The following SERINC5 variants were observed in gnomAD, a reference collection of about 807,000 sequenced individuals.
SERINC5 encodes serine incorporator 5, also known as chromosome 5 open reading frame 12.
In SERINC5, 41 loss-of-function variants were observed where a neutral mutation model predicts 63.1. The ratio of observed to expected loss-of-function variants is 0.65; its 90% CI spans 0.51 to 0.84. The LOEUF (loss-of-function observed/expected upper bound fraction) is 0.84. Among genes scored for constraint, SERINC5 ranks in the 40% least tolerant of loss-of-function variants. The probability of loss-of-function intolerance (pLI) is 0.00; values close to 1 mark genes in which losing one functional copy is unlikely to be tolerated. For synonymous variants in SERINC5, 222 were observed against 215.2 expected (o/e 1.03, Z -0.28); for missense variants, 523 against 573.0 (o/e 0.91, Z 0.89).
chr5:80,194,687 C>T (rs35487359), intron 2 of SERINC5, among the ~76,000 whole-genome samples: 14,285 of 152,180 alleles, frequency 0.094, 867 homozygotes, highest in Non-Finnish European at 0.14. Context: ...GGGCCCCAGG[C>T]AGCGCTATTT....
At chr5:80,165,981 C>T (rs1167064390) in intron 7 of SERINC5, among the ~76,000 whole-genome samples, 3 of 152,124 alleles carry the variant, frequency 2.0e-5, no homozygotes, top group African/African-American at 7.2e-5. Context: ...TTTGTGGATA[C>T]ATAGTAGGCG....
intron 9 of SERINC5, 121 bp from the exon 10 acceptor site, chr5:80,147,405 T>C: frequency 2.0e-6 from 2 of 1,003,898 alleles, no homozygotes; most frequent in Non-Finnish European, 1.5e-6. Context: ...GGACTGTTCT[T>C]TCCCAGGTGT....
intron 11 of SERINC5, chr5:80,129,016 C>T (rs928983879): frequency 6.6e-6 from 1 of 152,128 alleles, no homozygotes; most frequent in African/African-American, 2.4e-5. Context: ...GCAGCCATTT[C>T]GAAGAAATTT....
At chr5:80,240,421 T>A (rs1173646848) in intron 1 of SERINC5, among the ~76,000 whole-genome samples, 1 of 152,234 alleles carries the variant, frequency 6.6e-6, no homozygotes, top group Non-Finnish European at 1.5e-5. Flanking sequence ...ACTATATCAT[T>A]TTTATTCAGT....
intron 1 of SERINC5, among the ~76,000 whole-genome samples, chr5:80,224,935 GTTTTT>G (rs764594236): frequency 3.7e-5 from 3 of 81,668 alleles, no homozygotes; most frequent in Admixed American, 1.4e-4. Flanking sequence ...TTTTTTTTTT[GTTTTT>G]TTTTGTTTTT....
intron 11 of SERINC5, among the ~76,000 whole-genome samples, chr5:80,127,840 T>G (rs960905958): frequency 6.6e-6 from 1 of 152,132 alleles, no homozygotes; most frequent in Non-Finnish European, 1.5e-5. Flanking sequence ...TACAATCTAA[T>G]TTTAATTGAT....
intron 1 of SERINC5, among the ~76,000 whole-genome samples, chr5:80,213,807 T>C (rs1750542233): frequency 2.0e-5 from 3 of 152,186 alleles, no homozygotes; most frequent in South Asian, 2.1e-4. Flanking sequence ...TTAAAAGCCC[T>C]ATTTCCTAAT....
intron 1 of SERINC5, among the ~76,000 whole-genome samples, chr5:80,211,097 C>T (rs1023608844): frequency 3.3e-5 from 5 of 152,178 alleles, no homozygotes; most frequent in African/African-American, 1.2e-4. Flanking sequence ...GAAAAACAAA[C>T]TGCAACAGGC....
At chr5:80,182,268 A>C (rs1257509512) in intron 2 of SERINC5, among the ~76,000 whole-genome samples, 1 of 152,138 alleles carries the variant, frequency 6.6e-6, no homozygotes, top group Non-Finnish European at 1.5e-5. Context: ...ACTCACAAAA[A>C]CCAAGATATG....
chr5:80,224,184 G>A lies in SERINC5; in HGVS notation c.28-21131C>T, dbSNP rs536592579. Among the ~76,000 whole-genome samples, 18 of 151,378 alleles carry A rather than the reference G, an allele frequency of 1.2e-4. 1 individual carries two copies. Among genetic ancestry groups the A allele is most frequent in the Admixed American group, 1.1e-3 (17 of 15,142 alleles). The stretch of plus-strand genomic sequence containing the variant: ...AAAAGAAAAGTCAGAAATGAATCTG[G>A]GCACAGTGGCTTATCCCTGTAATCC... On this transcript the variant is annotated intron_variant, in intron 1 of 11. Coordinates refer to ENST00000507668, the MANE Select transcript of SERINC5 (RefSeq NM_001174072.3).
intron 1 of SERINC5, among the ~76,000 whole-genome samples, chr5:80,226,578 G>C (rs576007786): frequency 2.6e-5 from 4 of 152,260 alleles, no homozygotes; most frequent in African/African-American, 9.6e-5. Context: ...GAGCCCACTG[G>C]ATGCTGCCCC....
chr5:80,120,822 A>T (rs995309713), intron 11 of SERINC5, among the ~76,000 whole-genome samples: 3 of 152,164 alleles, frequency 2.0e-5, no homozygotes, highest in Admixed American at 6.5e-5. Context: ...AAAAAAAGAA[A>T]AGAAATACCT....
intron 11 of SERINC5, among the ~76,000 whole-genome samples, chr5:80,126,787 TCTCA>T (rs1744763396): frequency 6.6e-6 from 1 of 152,184 alleles, no homozygotes. Context: ...GGAGACAGGG[TCTCA>T]CTATGTTGCC....
downstream of SERINC5, among the ~76,000 whole-genome samples, chr5:80,135,100 G>A (rs572989809): frequency 1.3e-5 from 2 of 152,292 alleles, no homozygotes; most frequent in South Asian, 2.1e-4. Flanking sequence ...GGTCTCCTCC[G>A]TTGCCCAGGC....
chr5:80,207,769 T>C (rs1361932525), intron 1 of SERINC5, among the ~76,000 whole-genome samples: 1 of 152,252 alleles, frequency 6.6e-6, no homozygotes, highest in Non-Finnish European at 1.5e-5. Flanking sequence ...CCAAAAGTGA[T>C]TTATCAAAGT....
At chr5:80,173,239 AAG>A (rs1580109621) in intron 5 of SERINC5, among the ~76,000 whole-genome samples, 1 of 138,952 alleles carries the variant, frequency 7.2e-6, no homozygotes, top group East Asian at 2.0e-4. Context: ...GGAAGGAAGG[AAG>A]GAAGGAAGGA....
At chr5:80,190,991 A>C (rs917403350) in intron 2 of SERINC5, among the ~76,000 whole-genome samples, 3 of 152,070 alleles carry the variant, frequency 2.0e-5, no homozygotes, top group African/African-American at 7.2e-5. Flanking sequence ...AAAGTTTAGG[A>C]GAGGCCATTG....
At chr5:80,125,667 G>C (rs1744719865) in intron 11 of SERINC5, among the ~76,000 whole-genome samples, 2 of 152,166 alleles carry the variant, frequency 1.3e-5, no homozygotes, top group African/African-American at 4.8e-5. Flanking sequence ...ACCATGGCTG[G>C]AATGGATTGG....
chr5:80,117,819 C>T (rs747333327), intron 11 of SERINC5, among the ~76,000 whole-genome samples: 1 of 151,928 alleles, frequency 6.6e-6, no homozygotes, highest in Non-Finnish European at 1.5e-5. Flanking sequence ...TGTCAGCATG[C>T]CTTGGCTTGT....
Sources: allele counts gnomAD v4.1 joint callset (sites outside exome capture counted in the v4.1 genomes callset), GRCh38; gene constraint gnomAD v4.1.1; transcripts MANE v1.5; gene names NCBI Gene and HGNC (gene_info 2026-07-23, HGNC 2026-07-21).